SLC4A4: variants seen among roughly 807,000 people sequenced by gnomAD.
SLC4A4 encodes electrogenic sodium bicarbonate cotransporter 1.
In SLC4A4, 27 loss-of-function variants were observed where a neutral mutation model predicts 111.5. That is an observed-to-expected ratio of 0.24 (90% CI 0.18 to 0.33). The LOEUF is 0.33. Ranked by LOEUF, SLC4A4 falls within the 10% of genes least tolerant of loss-of-function variation. The pLI, the probability that SLC4A4 is intolerant of heterozygous loss-of-function variation, is 1.00. For synonymous variants in SLC4A4, 443 were observed against 463.4 expected (o/e 0.96, Z 0.57); for missense variants, 909 against 1,315.5 (o/e 0.69, Z 4.78).
chr4:71,313,012 T>G (rs1726336980), intron 3 of SLC4A4, among the ~76,000 whole-genome samples: 1 of 152,214 alleles, frequency 6.6e-6, no homozygotes, highest in Admixed American at 6.5e-5. Flanking sequence ...ATGACATGAT[T>G]GTGTATTTAG....
intron 7 of SLC4A4, among the ~76,000 whole-genome samples, chr4:71,407,057 T>C (rs1720919668): frequency 6.6e-6 from 1 of 152,170 alleles, no homozygotes; most frequent in Admixed American, 6.5e-5. Flanking sequence ...TGCATCCTGG[T>C]CCTAGTGCCT....
intron 3 of SLC4A4, among the ~76,000 whole-genome samples, chr4:71,330,569 A>C (rs1727891795): frequency 6.6e-6 from 1 of 152,224 alleles, no homozygotes; most frequent in African/African-American, 2.4e-5. Flanking sequence ...CTTACACCTT[A>C]TACAAAAATT....
intron 2 of SLC4A4, among the ~76,000 whole-genome samples, chr4:71,159,689 A>G (rs1487137164): frequency 2.0e-5 from 3 of 152,146 alleles, no homozygotes; most frequent in Non-Finnish European, 4.4e-5. Context: ...TTTCTAGGAG[A>G]AATTCTTAAA....
At chr4:71,192,144 T>C (rs1745760858) in intron 1 of SLC4A4, among the ~76,000 whole-genome samples, 1 of 152,202 alleles carries the variant, frequency 6.6e-6, no homozygotes, top group South Asian at 2.1e-4. Context: ...ATTAATATTC[T>C]TCTTAATACT....
chr4:71,333,964 G>T (rs997052377), intron 3 of SLC4A4, among the ~76,000 whole-genome samples: 4 of 152,068 alleles, frequency 2.6e-5, no homozygotes, highest in Admixed American at 6.6e-5. Flanking sequence ...AAGAGCGAAG[G>T]CCTGGAATTG....
At chr4:71,069,039 C>A (rs533091865) in intron 1 of SLC4A4, among the ~76,000 whole-genome samples, 49 of 152,328 alleles carry the variant, frequency 3.2e-4, no homozygotes, top group South Asian at 6.2e-4. Context: ...TTGAGTTACA[C>A]GTTTGTTAGA....
At chr4:71,419,577 G>A (rs1314175161) in intron 7 of SLC4A4, among the ~76,000 whole-genome samples, 3 of 152,196 alleles carry the variant, frequency 2.0e-5, no homozygotes, top group South Asian at 2.1e-4. Context: ...GGAGTGACCC[G>A]ATTTTCCAGG....
chr4:71,103,335 T>C lies in SLC4A4; in HGVS notation c.-2+10543T>C, dbSNP rs371904693. On this transcript the variant is annotated intron_variant, in intron 2 of 26. Coordinates refer to the SLC4A4 transcript ENST00000649996. ...ACATTAATAATGGGAGACTTTAACA[T>C]CCCACTGTCAACATTAGACAGATCA... Among the ~76,000 whole-genome samples the C allele has an allele frequency of 9.9e-5, 15 of 151,998 alleles. No individual in the cohort carries two copies. The East Asian group carries it at 2.3e-3, about 24-fold the overall frequency.
At chr4:71,165,692 T>A (rs1379075529) in intron 2 of SLC4A4, among the ~76,000 whole-genome samples, 1 of 152,124 alleles carries the variant, frequency 6.6e-6, no homozygotes. Context: ...ATCCCAGAAG[T>A]TAAAGTATAA....
chr4:71,514,990 G>A (rs1190978334), intron 16 of SLC4A4, among the ~76,000 whole-genome samples: 1 of 151,758 alleles, frequency 6.6e-6, no homozygotes, highest in African/African-American at 2.4e-5. Context: ...TGTTAGTTCT[G>A]CTCTGATCTT....
intron 3 of SLC4A4, among the ~76,000 whole-genome samples, chr4:71,262,026 G>T (rs1721893771): frequency 2.6e-5 from 4 of 152,268 alleles, no homozygotes; most frequent in Admixed American, 2.6e-4. Flanking sequence ...ATGACTGTCT[G>T]CCACAGGCAT....
chr4:71,154,726 G>A (rs1298601139), intron 2 of SLC4A4, among the ~76,000 whole-genome samples: 3 of 152,102 alleles, frequency 2.0e-5, no homozygotes, highest in Non-Finnish European at 2.9e-5. Flanking sequence ...GAGAATAAAC[G>A]TCATAATTCT....
intron 14 of SLC4A4, among the ~76,000 whole-genome samples, chr4:71,484,002 G>C (rs2149126940): frequency 6.6e-6 from 1 of 151,672 alleles, no homozygotes; most frequent in Non-Finnish European, 1.5e-5. Context: ...CATGTCCTTA[G>C]CCCACTTTTT....
intron 3 of SLC4A4, among the ~76,000 whole-genome samples, chr4:71,326,679 T>C (rs1045562175): frequency 3.9e-5 from 6 of 152,068 alleles, no homozygotes; most frequent in Non-Finnish European, 8.8e-5. Flanking sequence ...CTTTGAAAGA[T>C]TGTGAAGATT....
chr4:71,389,969 T>A (rs1719111143), intron 6 of SLC4A4, among the ~76,000 whole-genome samples: 1 of 152,200 alleles, frequency 6.6e-6, no homozygotes, highest in East Asian at 1.9e-4. Flanking sequence ...AGTTATGAAA[T>A]TCCTCCAAAG....
chr4:71,133,697 T>C (rs894148455), intron 2 of SLC4A4, among the ~76,000 whole-genome samples: 5 of 152,206 alleles, frequency 3.3e-5, no homozygotes, highest in Non-Finnish European at 5.9e-5. Context: ...ACTCCATAGA[T>C]GTGAGTCCTA....
intron 1 of SLC4A4, among the ~76,000 whole-genome samples, chr4:71,076,004 A>G (rs2148932262): frequency 6.9e-6 from 1 of 143,930 alleles, no homozygotes; most frequent in Non-Finnish European, 1.5e-5. Flanking sequence ...TAAATAAATA[A>G]ATAGCAATCC....
At chr4:71,341,329 G>C (rs1560424635) in intron 4 of SLC4A4, among the ~76,000 whole-genome samples, 1 of 152,124 alleles carries the variant, frequency 6.6e-6, no homozygotes, top group African/African-American at 2.4e-5. Context: ...CCAGCTTTGA[G>C]TTTAAGAAAA....
intron 7 of SLC4A4, among the ~76,000 whole-genome samples, chr4:71,433,889 T>C: frequency 6.6e-6 from 1 of 152,122 alleles, no homozygotes; most frequent in Non-Finnish European, 1.5e-5. Context: ...TACAGTGAAG[T>C]AGTATGCAGC....
Sources: gnomAD v4.1 joint callset for allele counts (sites outside exome capture counted in the v4.1 genomes callset) on GRCh38, gnomAD v4.1.1 for gene constraint, MANE v1.5 for transcripts, NCBI Gene and HGNC (gene_info 2026-07-23, HGNC 2026-07-21) for gene names.